Variants in ZP4 observed in about 807,000 individuals in gnomAD.
ZP4 encodes zona pellucida sperm-binding protein 4.
Under a neutral mutation model 62.3 loss-of-function variants are expected in ZP4, and 62 were observed. The observed-to-expected ratio is 0.99, with a 90% CI of 0.81 to 1.23. The LOEUF (loss-of-function observed/expected upper bound fraction) is 1.23. Ranked by LOEUF, ZP4 falls within the 50% of genes most tolerant of loss-of-function variation. The probability of loss-of-function intolerance (pLI) is 0.00; values close to 1 mark genes in which losing one functional copy is unlikely to be tolerated. For synonymous variants in ZP4, 289 were observed against 247.3 expected (o/e 1.17, Z -1.58); for missense variants, 774 against 656.0 (o/e 1.18, Z -1.97).
chr1:237,888,932 T>C (rs1418246721), intron 3 of ZP4, among the ~76,000 whole-genome samples: 1 of 152,176 alleles, frequency 6.6e-6, no homozygotes, highest in African/African-American at 2.4e-5. Context: ...TTATTAGTGC[T>C]GCCCATCCTG....
chr1:237,883,649 AGGGCGGGGGAGGGCCGGGGGAGGGC>A (rs1558529926), intron 10 of ZP4, among the ~76,000 whole-genome samples: 10 of 6,496 alleles, frequency 1.5e-3, no homozygotes, highest in Non-Finnish European at 1.9e-3. Context: ...AGGGCGGGGG[AGGGCGGGGGAGGGCCGGGGGAGGGC>A]GGGGGAGGGC....
chr1:237,882,811 T>C lies in ZP4; in HGVS notation c.1426A>G (p.Thr476Ala). ...RNFDNSSQNT[T>A]ASVSSKGPMI... ...GGGCCTTTGCTAGAAACACTAGCAG[T>C]AGTGTTCTGAGAACTGTTGTCAAAA... The change falls in exon 11 of 12, where the codon ACT becomes GCT. Residue 476 changes from threonine (T) to alanine (A), a missense_variant. Thr to Ala is a moderately conservative substitution (Grantham distance 58). Coordinates refer to ENST00000366570, the MANE Select transcript of ZP4 (RefSeq NM_021186.5). 1 of 1,614,136 alleles carries C rather than the reference T, an allele frequency of 6.2e-7. No individual in the cohort carries two copies. The highest frequency in any genetic ancestry group is 8.5e-7 in the Non-Finnish European group (1 of 1,180,004).
intron 6 of ZP4, among the ~76,000 whole-genome samples, chr1:237,886,265 C>A (rs1296535393): frequency 6.6e-6 from 1 of 152,212 alleles, no homozygotes; most frequent in East Asian, 1.9e-4. Context: ...TTGAGAATTC[C>A]ATAGAAGAAC....
intron 10 of ZP4, among the ~76,000 whole-genome samples, chr1:237,883,974 AC>A (rs1665011977): frequency 2.8e-5 from 1 of 36,064 alleles, no homozygotes; most frequent in East Asian, 1.4e-3. Context: ...ACAAACACAC[AC>A]ACACACAAAC....
At position 237,882,863 on chromosome 1, in the gene ZP4, A is replaced by T. The variant is rs767313039; in HGVS notation, c.1391-17T>A. ...TTCTTCTTCCTGTTAGAGAAATGAG[A>T]CCTAGTAATTCATTAGTTTTTGCAC... On this transcript the variant is annotated splice_polypyrimidine_tract_variant and intron_variant, in intron 10 of 11. Transcript: ENST00000366570. The T allele has an allele frequency of 2.5e-6, 4 of 1,604,928 alleles. No homozygotes were observed. The South Asian group carries it at 3.3e-5, about 13-fold the overall frequency.
intron 10 of ZP4, among the ~76,000 whole-genome samples, chr1:237,883,542 C>T (rs1205689518): frequency 6.7e-6 from 1 of 149,634 alleles, no homozygotes; most frequent in African/African-American, 2.5e-5. Context: ...TGGTGAATCC[C>T]TGTCTCTACC....
chr1:237,889,965 G>A lies in ZP4; in HGVS notation c.302C>T (p.Ser101Phe). 1 of 1,614,140 alleles carries A rather than the reference G, an allele frequency of 6.2e-7. No homozygotes were observed. The highest frequency in any genetic ancestry group is 8.5e-7 in the Non-Finnish European group (1 of 1,180,024). Residue 101 changes from serine to phenylalanine, a missense_variant, in exon 3 of 12, where the codon TCC (serine) becomes TTC (phenylalanine). Transcript: ENST00000366570. The part of the protein sequence containing the change: ...YSSCYVTEWD[S>F]HYIMPVGVEG... ...AACTCCAACTGGCATGATGTAGTGG[G>A]AGTCCTGGAGAGACAGGCCCTTGGG...
At chr1:237,886,702 T>C in intron 6 of ZP4, 69 bp downstream of exon 6, 1 of 1,328,600 alleles carries the variant, frequency 7.5e-7, no homozygotes, top group East Asian at 2.3e-5. Context: ...TGCTCATTTG[T>C]GGATTCAGGG....
Position 237,890,142 on chromosome 1 carries a change from G to A in ZP4, c.210C>T (p.Asp70=). Reference sequence around the variant, plus strand: ...TTCTTATCCAGGTGCCACAGTCGGAGTCATTCTGCAGCTCGTGCAGCAGCC... The same window carrying A: ...TTCTTATCCAGGTGCCACAGTCGGAATCATTCTGCAGCTCGTGCAGCAGCC... The part of the protein sequence containing the change: ...NQGLLHELQN[D]SDCGTWIRKG... The change falls in exon 2 of 12, where the codon GAC becomes GAT. Residue 70 remains aspartate (D), a synonymous_variant. Coordinates refer to ENST00000366570, the MANE Select transcript of ZP4 (RefSeq NM_021186.5). 1.2e-6 allele frequency: 2 copies of A among 1,614,142 alleles called. No homozygotes were observed. Among genetic ancestry groups the A allele is most frequent in the South Asian group, 1.1e-5 (1 of 91,092 alleles).
In ZP4 at chr1:237,883,772, G is replaced by A. The variant is rs1321727432; in HGVS notation, c.1391-926C>T. 3.3e-5 allele frequency among the ~76,000 whole-genome samples: 3 copies of A among 91,018 alleles called. 1 individual carries two copies. Among genetic ancestry groups the A allele is most frequent in the African/African-American group, 1.1e-4 (3 of 27,624 alleles). The allele number at this position is 91,018 out of a possible 152,430, so 59.7% of individuals were successfully genotyped here. ...GAGAGGGAGAGAGAGGGAGAGAGAGGAAGAGAGAGGAAGAGAGAGGAAGAG... is the reference window on the plus strand; with the variant it reads ...GAGAGGGAGAGAGAGGGAGAGAGAGAAAGAGAGAGGAAGAGAGAGGAAGAG... On this transcript the variant is annotated intron_variant, in intron 10 of 11. Coordinates refer to ENST00000366570, the MANE Select transcript of ZP4 (RefSeq NM_021186.5).
At position 237,889,917 on chromosome 1, in the gene ZP4, T is replaced by G. The variant is rs1665198544; in HGVS notation, c.350A>C (p.His117Pro). ...CAGCTTCCTCTCTGTAACCACCTTG[T>G]GTTCAGCCGCGCCTGCTCCTTCAAC... is the stretch of plus-strand genomic sequence containing the variant. ...VGVEGAGAAE[H>P]KVVTERKLLK... Residue 117 changes from histidine to proline, a missense_variant, in exon 3 of 12, where the codon CAC (histidine) becomes CCC (proline). Coordinates refer to ENST00000366570, the MANE Select transcript of ZP4 (RefSeq NM_021186.5). The G allele has an allele frequency of 1.2e-6, 2 of 1,613,852 alleles. No individual in the cohort carries two copies. Among genetic ancestry groups the G allele is most frequent in the Admixed American group, 3.3e-5 (2 of 59,968 alleles).
intron 10 of ZP4, among the ~76,000 whole-genome samples, chr1:237,883,694 C>A (rs1186062105): frequency 0.11 from 777 of 6,972 alleles, 195 homozygotes; most frequent in African/African-American, 0.31. Flanking sequence ...CGGGGGAGGG[C>A]GGGGGAGGGC....
chr1:237,884,007 C>CACACACACACAAACACACACAA lies in ZP4; in HGVS notation c.1390+761_1390+762insTTGTGTGTGTTTGTGTGTGTGT, dbSNP rs1665023368. ...AAACACACACACACACACACACACACACACACACAAACACACACACACACA... is the reference window on the plus strand; with the variant it reads ...AAACACACACACACACACACACACACACACACACACAAACACACACAAACACACACAAACACACACACACACA... On this transcript the variant is annotated intron_variant, in intron 10 of 11. Transcript: ENST00000366570. 2.2e-5 allele frequency among the ~76,000 whole-genome samples: 2 copies of CACACACACACAAACACACACAA among 92,604 alleles called. 1 individual carries two copies. The highest frequency in any genetic ancestry group is 8.6e-5 in the African/African-American group (2 of 23,374). The allele number at this position is 92,604 out of a possible 152,430, so 60.8% of individuals were successfully genotyped here. A position where few individuals can be genotyped will look rare whatever the true frequency, so the allele number is the denominator to read the frequency against.
In ZP4 at chr1:237,887,536, G is replaced by GTA. The variant is rs750354991; in HGVS notation, c.578_579insTA (p.His194ThrfsTer11). ...TCCGAGACACAGCAATAGAGAAATG[G>GTA]CCCTCTCGGGTACAATGCAAGGTCA... On this transcript the variant is annotated frameshift_variant, in exon 5 of 12. Coordinates refer to ENST00000366570, the MANE Select transcript of ZP4 (RefSeq NM_021186.5). LOFTEE classifies it high-confidence loss of function. 8.7e-6 allele frequency: 14 copies of GTA among 1,614,000 alleles called. No individual in the cohort carries two copies. The East Asian group carries it at 3.1e-4, about 36-fold the overall frequency.
At chr1:237,884,936 A>T in intron 9 of ZP4, 89 bp from the exon 10 acceptor site, 1 of 1,411,804 alleles carries the variant, frequency 7.1e-7, no homozygotes, top group Admixed American at 2.0e-5. Context: ...GAGGTTCAGG[A>T]AGTTATCAGA....
At chr1:237,884,720 G>A (rs1665053624) in intron 10 of ZP4, 49 bp downstream of exon 10, 1 of 1,546,116 alleles carries the variant, frequency 6.5e-7, no homozygotes, top group Non-Finnish European at 8.9e-7. Flanking sequence ...GGTTAGACAT[G>A]GGACTCAAGA....
chr1:237,882,522 C>G lies in ZP4; in HGVS notation c.1523G>C (p.Trp508Ser), dbSNP rs1337685416. The change falls in exon 12 of 12, where the codon TGG (tryptophan) becomes TCG (serine). Residue 508 changes from tryptophan (W) to serine (S), a missense_variant. Transcript: ENST00000366570. ...TAAGGTCCCAGAAAGGCCTGCCACC[C>G]ACAGAACTTTCGAGTCTACAGGAAC... is the stretch of plus-strand genomic sequence containing the variant. ...LRVPVDSKVL[W>S]VAGLSGTLIL... The G allele has an allele frequency of 1.0e-5, 16 of 1,605,800 alleles. No homozygotes were observed. In the East Asian group the frequency reaches 3.6e-4, roughly 36 times the overall value.
At chr1:237,890,203 AAC>A in intron 1 of ZP4, 27 bp from the exon 2 acceptor site, 1 of 1,613,170 alleles carries the variant, frequency 6.2e-7, no homozygotes, top group Non-Finnish European at 8.5e-7. Context: ...GAGGTGAGAA[AAC>A]ACAGCGGTCA....
At chr1:237,883,966 AAAC>A (rs1665009487) in intron 10 of ZP4, among the ~76,000 whole-genome samples, 42 of 75,682 alleles carry the variant, frequency 5.5e-4, no homozygotes, top group African/African-American at 3.1e-3. Flanking sequence ...TCACACACAC[AAAC>A]ACACACACAC....
Sources: gnomAD v4.1 joint callset for allele counts (sites outside exome capture counted in the v4.1 genomes callset) on GRCh38, gnomAD v4.1.1 for gene constraint, MANE v1.5 for transcripts, NCBI Gene and HGNC (gene_info 2026-07-23, HGNC 2026-07-21) for gene names.